CLCN1: variants seen among roughly 807,000 people sequenced by gnomAD.
CLCN1 encodes chloride voltage-gated channel 1.
In CLCN1, 100 loss-of-function variants were observed where a neutral mutation model predicts 114.5. That is an observed-to-expected ratio of 0.87 (90% confidence interval 0.74 to 1.03). The LOEUF (loss-of-function observed/expected upper bound fraction) is 1.03, where lower values mean the gene tolerates loss of function less well. Among genes scored for constraint, CLCN1 ranks in the 50% least tolerant of loss-of-function variants. The pLI, the probability that CLCN1 is intolerant of heterozygous loss-of-function variation, is 0.00. For missense variants in CLCN1, 1,188 were observed against 1,250.0 expected, an observed-to-expected ratio of 0.95 and a Z score of 0.75; for synonymous variants, 485 against 487.1, an observed-to-expected ratio of 1.00 and a Z score of 0.06.
Position 143,345,652 on chromosome 7 carries a change from G to GTTC in CLCN1, c.2062_2063insTTC (p.Gly688delinsValArg), listed in dbSNP as rs770836890. The GTTC allele has an allele frequency of 5.3e-5, 83 of 1,565,592 alleles. No homozygotes were observed. Among genetic ancestry groups the GTTC allele is most frequent in the African/African-American group, 2.7e-5 (2 of 73,850 alleles). ...GAAGTTGTCGGAGCTGCCTTACGAC[G>GTTC]GGAAGGCGCGGCTGGCTGGGGAGGG... is the stretch of plus-strand genomic sequence containing the variant. On this transcript the variant is annotated protein_altering_variant, in exon 17 of 23. Transcript: ENST00000343257.
chr7:143,320,815 T>C lies in CLCN1; in HGVS notation c.433+20T>C, dbSNP rs752795316. The C allele has an allele frequency of 6.2e-7, 1 of 1,613,866 alleles. No homozygotes were observed. The highest frequency in any genetic ancestry group is 8.5e-7 in the Non-Finnish European group (1 of 1,179,870). ...TTCAGGGTAGGTTTAACCTGGACCT[T>C]TGCCCACAGCCGTTTCTGGAGTTTC... On this transcript the variant is annotated intron_variant, in intron 3 of 22. Transcript: ENST00000343257.
rs562196509 is a variant in CLCN1 at position 143,347,003 on chromosome 7, T to G, written c.2403+54T>G. 94 of 1,447,580 alleles carry G rather than the reference T, an allele frequency of 6.5e-5. No individual in the cohort carries two copies. The South Asian group carries it at 1.1e-3, about 17-fold the overall frequency. The allele number at this position is 1,447,580 out of a possible 1,614,324, so 89.7% of individuals were successfully genotyped here. ...GGATTGTTCTATCAAATGAAGATAT[T>G]GCTAATTTGTTTCTACCTTCTTTAT... On this transcript the variant is annotated intron_variant, in intron 20 of 22. Transcript: ENST00000343257.
intron 12 of CLCN1, among the ~76,000 whole-genome samples, chr7:143,335,586 T>C (rs1442317994): frequency 2.0e-5 from 3 of 151,884 alleles, no homozygotes; most frequent in Non-Finnish European, 2.9e-5. Flanking sequence ...TTCCAGTGCC[T>C]AATTTGAAAT....
chr7:143,322,722 A>G (rs1802474514), intron 5 of CLCN1, among the ~76,000 whole-genome samples: 1 of 152,204 alleles, frequency 6.6e-6, no homozygotes, highest in African/African-American at 2.4e-5. Context: ...GGGTTTCACC[A>G]TATTGGTCAG....
At chr7:143,346,511 C>A in intron 18 of CLCN1, 68 bp from the exon 19 acceptor site, 2 of 1,254,756 alleles carry the variant, frequency 1.6e-6, no homozygotes, top group African/African-American at 1.5e-5. Context: ...ATGTTAGGCA[C>A]TGGGTGGGGC....
chr7:143,330,626 T>G, intron 7 of CLCN1, 146 bp from the exon 8 acceptor site: 1 of 1,067,102 alleles, frequency 9.4e-7, no homozygotes, highest in Non-Finnish European at 1.4e-6. Context: ...GTTTTGAGCA[T>G]GGGAATCCAA....
rs1460476157 is a variant in CLCN1 at position 143,332,844 on chromosome 7, A to G, written c.1372A>G (p.Ile458Val). ...VWIHPRVNVVIIIFLFFVMKF... is the reference protein window; with the variant it reads ...VWIHPRVNVVVIIFLFFVMKF... ...GATTCACCCCCGGGTCAACGTTGTC[A>G]TCATCATCTTTCTCTTCTTCGTCAT... The change falls in exon 12 of 23, where the codon ATC (isoleucine) becomes GTC (valine). Residue 458 changes from isoleucine (I) to valine (V), a missense_variant. Coordinates refer to ENST00000343257, the MANE Select transcript of CLCN1 (RefSeq NM_000083.3). 1 of 1,614,056 alleles carries G rather than the reference A, an allele frequency of 6.2e-7. No homozygotes were observed. Among genetic ancestry groups the G allele is most frequent in the East Asian group, 2.2e-5 (1 of 44,894 alleles).
At position 143,346,263 on chromosome 7, in the gene CLCN1, C is replaced by T. The variant is rs1472307602; in HGVS notation, c.2284+12C>T. 1.3e-6 allele frequency: 2 copies of T among 1,542,966 alleles called. No homozygotes were observed. Among genetic ancestry groups the T allele is most frequent in the Non-Finnish European group, 1.8e-6 (2 of 1,115,872 alleles). ...ACCAGAGCCTGCAGGTGACGCTCTT[C>T]CCTCATGCACCCCAACTCACCCCTT... On this transcript the variant is annotated intron_variant, in intron 18 of 22. Coordinates refer to ENST00000343257, the MANE Select transcript of CLCN1 (RefSeq NM_000083.3).
Position 143,331,308 on chromosome 7 carries a change from T to A in CLCN1, c.1056T>A (p.Ala352=). Residue 352 remains alanine (A), a synonymous_variant, in exon 9 of 23, where the codon GCT becomes GCA. Coordinates refer to ENST00000343257, the MANE Select transcript of CLCN1 (RefSeq NM_000083.3). ...ACCTGAAGGAACTACCAGCTTTTGC[T>A]GCCATCGGGTCAGTGGGGTTACCTG... ...PFDLKELPAF[A]AIGICCGLLG... is the part of the protein sequence containing the mutation. 6.2e-7 allele frequency: 1 copy of A among 1,610,750 alleles called. No homozygotes were observed. The highest frequency in any genetic ancestry group is 8.5e-7 in the Non-Finnish European group (1 of 1,176,868).
rs775224495 is a variant in CLCN1, at chr7:143,320,757, G to T, written c.395G>T (p.Ser132Ile). Residue 132 changes from serine to isoleucine, a missense_variant, in exon 3 of 23, where the codon AGC becomes ATC. By Grantham distance (142) the Ser-to-Ile change is moderately radical. Transcript: ENST00000343257. ...CTGGGACTGCTGATGGCTCTGGTCA[G>T]CTGGAGCATGGACTACGTCAGTGCC... ...VLLGLLMALV[S>I]WSMDYVSAKS... is the part of the protein sequence containing the mutation. The T allele has an allele frequency of 6.2e-7, 1 of 1,613,812 alleles. No individual in the cohort carries two copies. Among genetic ancestry groups the T allele is most frequent in the East Asian group, 2.2e-5 (1 of 44,868 alleles).
chr7:143,345,237 T>C (rs1402599032), intron 16 of CLCN1, among the ~76,000 whole-genome samples: 1 of 152,194 alleles, frequency 6.6e-6, no homozygotes, highest in Non-Finnish European at 1.5e-5. Flanking sequence ...TCCTTAATTA[T>C]CAGCTCACCT....
At chr7:143,329,726 T>G (rs975239177) in intron 7 of CLCN1, among the ~76,000 whole-genome samples, 1 of 152,186 alleles carries the variant, frequency 6.6e-6, no homozygotes, top group Non-Finnish European at 1.5e-5. Context: ...AGGCCTCATC[T>G]CCATTCATCC....
At chr7:143,323,851 G>C (rs41276051) in intron 6 of CLCN1, 8 of 472,806 alleles carry the variant, frequency 1.7e-5, no homozygotes, top group South Asian at 7.7e-5. Context: ...TCCTGGTGTC[G>C]GCCTGTGCAG....
At chr7:143,346,101 C>T (rs1437794839) in intron 17 of CLCN1, 39 bp from the exon 18 acceptor site, 2 of 1,355,500 alleles carry the variant, frequency 1.5e-6, no homozygotes, top group Admixed American at 1.7e-5. Context: ...CCCAGGCAGT[C>T]TCTGCTCCCA....
In CLCN1 at chr7:143,332,515, G is replaced by GTT; in HGVS notation, c.1251+13_1251+14insTT. 6.2e-7 allele frequency: 1 copy of GTT among 1,606,962 alleles called. No individual in the cohort carries two copies. The highest frequency in any genetic ancestry group is 8.5e-7 in the Non-Finnish European group (1 of 1,173,496). On this transcript the variant is annotated intron_variant, in intron 11 of 22. Coordinates refer to ENST00000343257, the MANE Select transcript of CLCN1 (RefSeq NM_000083.3). ...TCATGGCTGGAGAGGTCAGCTGTTG[G>GTT]TGGGGCCACATGGTAAAGAGGAAAC... is the stretch of plus-strand genomic sequence containing the variant.
rs1802426036 is a variant in CLCN1, at chr7:143,321,349, G to A, written c.434-16G>A. On this transcript the variant is annotated splice_polypyrimidine_tract_variant and intron_variant, in intron 3 of 22. Transcript: ENST00000343257. This position sits in a 1 kb window ranked among gnomAD's most constrained non-coding sequence, Gnocchi z 4.2. ...TCAGCCATGTTCTGCCTAACCCCAG[G>A]CATGTGTCTCCGCAGCCTACAAGTG... 2.5e-6 allele frequency: 4 copies of A among 1,614,092 alleles called. No homozygotes were observed. The highest frequency in any genetic ancestry group is 3.4e-6 in the Non-Finnish European group (4 of 1,179,994).
chr7:143,319,191 T>A (rs765417360), intron 1 of CLCN1, among the ~76,000 whole-genome samples: 1 of 152,134 alleles, frequency 6.6e-6, no homozygotes, highest in Admixed American at 6.5e-5. Context: ...GGCTAGTTCT[T>A]GTGTGTGCAT....
rs73172418 is a variant in CLCN1 at position 143,337,601 on chromosome 7, T to C, written c.1402-1652T>C. Among the ~76,000 whole-genome samples the C allele has an allele frequency of 9.1e-3, 1,389 of 152,262 alleles. 12 individuals are homozygous for C. Among genetic ancestry groups the C allele is most frequent in the Middle Eastern group, 0.014 (4 of 294 alleles). On this transcript the variant is annotated intron_variant, in intron 12 of 22. Transcript: ENST00000343257. ...CACAGCTCTAAAATTGTGAATACTT[T>C]CATCTTGGCAGTTTGTCCTGAGCTT...
At chr7:143,332,669 AG>A in intron 11 of CLCN1, 54 bp from the exon 12 acceptor site, 2 of 1,607,034 alleles carry the variant, frequency 1.2e-6, no homozygotes, top group South Asian at 2.2e-5. Flanking sequence ...TCTCTAAAAA[AG>A]GAAGCACAGG....
Sources: allele counts gnomAD v4.1 joint callset (sites outside exome capture counted in the v4.1 genomes callset), GRCh38; gene constraint gnomAD v4.1.1; non-coding constraint Gnocchi (gnomAD v3.1); transcripts MANE v1.5; gene names NCBI Gene and HGNC (gene_info 2026-07-23, HGNC 2026-07-21).